Variants in NFIL3 observed in about 807,000 individuals in gnomAD.
NFIL3 encodes the protein nuclear factor interleukin-3-regulated protein.
A neutral mutation model predicts 10.0 loss-of-function variants in NFIL3; 5 were observed. That is an observed-to-expected ratio of 0.50 (90% CI 0.26 to 1.06). The LOEUF (loss-of-function observed/expected upper bound fraction) is 1.06, where lower values mean the gene tolerates loss of function less well. Ranked by LOEUF, NFIL3 falls within the 50% of genes least tolerant of loss-of-function variation. NFIL3 has a pLI of 0.13. For missense variants in NFIL3, 436 were observed against 547.6 expected, an observed-to-expected ratio of 0.80 and a Z score of 2.03; for synonymous variants, 202 against 206.5, an observed-to-expected ratio of 0.98 and a Z score of 0.19.
At chr9:91,443,155 C>G in the NFIL3 span, among the ~76,000 whole-genome samples, 7 of 152,134 alleles carry the variant, frequency 4.6e-5, no homozygotes, top group African/African-American at 1.7e-4. Flanking sequence ...GGCAGGTCAT[C>G]CTGATGTCTG....
the NFIL3 span, among the ~76,000 whole-genome samples, chr9:91,434,792 T>C: frequency 2.7e-4 from 41 of 152,310 alleles, 1 homozygote; most frequent in East Asian, 6.4e-3. Context: ...ACTTCACCAC[T>C]ATACAATTCA....
rs148156849 is a variant in NFIL3 at position 91,420,809 on chromosome 9, G to C, written c.-173+2831C>G. On this transcript the variant is annotated intron_variant, in intron 1 of 1. Coordinates refer to ENST00000297689, the MANE Select transcript of NFIL3 (RefSeq NM_005384.3). ...AGGATGAAAGTACTGTAGTTTTACA[G>C]TAGGACAGCAGCGTCTATGTGGGCG... Among the ~76,000 whole-genome samples the C allele has an allele frequency of 3.1e-3, 465 of 152,282 alleles. 2 individuals are homozygous for C. The highest frequency in any genetic ancestry group is 0.011 in the African/African-American group (440 of 41,558).
chr9:91,457,377 T>C, the NFIL3 span, among the ~76,000 whole-genome samples: 1 of 149,772 alleles, frequency 6.7e-6, no homozygotes, highest in Non-Finnish European at 1.5e-5. Context: ...CATTTAACAC[T>C]GTTATCGCTG....
At chr9:91,450,240 T>G in the NFIL3 span, among the ~76,000 whole-genome samples, 10,308 of 152,150 alleles carry the variant, frequency 0.068, 631 homozygotes, top group East Asian at 0.16. Context: ...CTTCCTTATC[T>G]TACCTTTGAA....
chr9:91,410,586 C>T lies in NFIL3; in HGVS notation c.149G>A (p.Gly50Glu). The T allele has an allele frequency of 6.2e-7, 1 of 1,614,236 alleles. No homozygotes were observed. The highest frequency in any genetic ancestry group is 1.1e-5 in the South Asian group (1 of 91,080). The change falls in exon 2 of 2, where the codon GGA becomes GAA. Residue 50 changes from glycine to glutamate, a missense_variant. Gly to Glu is a moderately conservative substitution (Grantham distance 98). Transcript: ENST00000297689. The surrounding 1 kb of genome is among the most constrained non-coding windows in gnomAD (Gnocchi z 5.7). ...TTGEELLLSEGSVGKNKSSAC... is the reference protein window; with the variant it reads ...TTGEELLLSEESVGKNKSSAC... ...AGAAGATTTGTTCTTCCCCACACTTCCTTCACTGAGAAGCAGCTCCTCACC... is the reference window on the plus strand; with the variant it reads ...AGAAGATTTGTTCTTCCCCACACTTTCTTCACTGAGAAGCAGCTCCTCACC...
the NFIL3 span, among the ~76,000 whole-genome samples, chr9:91,479,785 G>A: frequency 6.6e-6 from 1 of 152,236 alleles, no homozygotes; most frequent in East Asian, 1.9e-4. Context: ...TAGTGGCGTA[G>A]GCACCCAAGG....
chr9:91,434,176 A>G, the NFIL3 span, among the ~76,000 whole-genome samples: 3 of 152,164 alleles, frequency 2.0e-5, no homozygotes, highest in African/African-American at 7.2e-5. Flanking sequence ...GCACTTTGGG[A>G]GGCTGAGGCA....
upstream of NFIL3, chr9:91,427,166 A>C (rs1161553340): frequency 6.6e-6 from 1 of 152,062 alleles, no homozygotes; most frequent in Admixed American, 6.5e-5. Flanking sequence ...CCAATTATTC[A>C]AAAGAAAGTT....
the NFIL3 span, among the ~76,000 whole-genome samples, chr9:91,451,464 T>C: frequency 6.6e-6 from 1 of 152,200 alleles, no homozygotes; most frequent in East Asian, 1.9e-4. Context: ...CTAGGGCCTC[T>C]AGCATTGTGC....
At chr9:91,472,907 T>A in the NFIL3 span, among the ~76,000 whole-genome samples, 6 of 152,202 alleles carry the variant, frequency 3.9e-5, no homozygotes, top group Admixed American at 2.0e-4. Flanking sequence ...GTCCTTTATG[T>A]TGATGTTGAT....
At chr9:91,481,463 G>A in the NFIL3 span, among the ~76,000 whole-genome samples, 52 of 151,858 alleles carry the variant, frequency 3.4e-4, no homozygotes, top group African/African-American at 1.1e-3. Flanking sequence ...TTCTAGTATT[G>A]TATACAATCA....
the NFIL3 span, among the ~76,000 whole-genome samples, chr9:91,469,641 C>T: frequency 1.2e-4 from 18 of 152,300 alleles, no homozygotes; most frequent in African/African-American, 3.1e-4. Context: ...AGTTTTTGCG[C>T]ATTCAGTATG....
chr9:91,452,717 G>T, the NFIL3 span, among the ~76,000 whole-genome samples: 2 of 149,710 alleles, frequency 1.3e-5, no homozygotes, highest in African/African-American at 5.0e-5. Flanking sequence ...AACTCGGGAG[G>T]CGGAGGTTGC....
At chr9:91,453,612 T>G in the NFIL3 span, among the ~76,000 whole-genome samples, 1 of 152,064 alleles carries the variant, frequency 6.6e-6, no homozygotes, top group African/African-American at 2.4e-5. Context: ...ATTTGACCAT[T>G]CGAGACTGTA....
chr9:91,426,009 G>C (rs942964283), upstream of NFIL3, among the ~76,000 whole-genome samples: 2 of 152,166 alleles, frequency 1.3e-5, no homozygotes, highest in African/African-American at 4.8e-5. Context: ...GAATTTCAAA[G>C]CCGTTGTAGT....
intron 1 of NFIL3, among the ~76,000 whole-genome samples, chr9:91,422,729 A>G (rs1833792518): frequency 6.6e-6 from 1 of 152,342 alleles, no homozygotes; most frequent in African/African-American, 2.4e-5. Flanking sequence ...GGTAAACGTC[A>G]CAATGGTTCG....
At chr9:91,434,368 T>C in the NFIL3 span, among the ~76,000 whole-genome samples, 2 of 152,122 alleles carry the variant, frequency 1.3e-5, no homozygotes, top group African/African-American at 4.8e-5. Context: ...TAGAAAAAAA[T>C]GGATGCTAAG....
At chr9:91,453,122 G>T in the NFIL3 span, among the ~76,000 whole-genome samples, 1 of 152,094 alleles carries the variant, frequency 6.6e-6, no homozygotes, top group African/African-American at 2.4e-5. Flanking sequence ...GTGAAGGAAA[G>T]ATCTGTTTCA....
At chr9:91,435,465 A>G in the NFIL3 span, among the ~76,000 whole-genome samples, 2 of 152,208 alleles carry the variant, frequency 1.3e-5, no homozygotes, top group African/African-American at 2.4e-5. Flanking sequence ...TCTATGGTAC[A>G]TAAAAGGCCA....
Sources: gnomAD v4.1 joint callset for allele counts (sites outside exome capture counted in the v4.1 genomes callset) on GRCh38, gnomAD v4.1.1 for gene constraint, Gnocchi (gnomAD v3.1) non-coding constraint, MANE v1.5 for transcripts, NCBI Gene and HGNC (gene_info 2026-07-23, HGNC 2026-07-21) for gene names.